SHB: variants seen among roughly 807,000 people sequenced by gnomAD.
SHB encodes SH2 domain containing adaptor protein B.
In SHB, 20 loss-of-function variants were observed where a neutral mutation model predicts 52.3. That is an observed-to-expected ratio of 0.38 (90% CI 0.27 to 0.56). The LOEUF (loss-of-function observed/expected upper bound fraction) is 0.56. SHB is among the 20% of genes least tolerant of loss of function. SHB has a pLI of 0.71. For missense variants in SHB, 825 were observed against 723.3 expected, an observed-to-expected ratio of 1.14 and a Z score of -1.61; for synonymous variants, 397 against 316.5, an observed-to-expected ratio of 1.25 and a Z score of -2.70.
chr9:37,916,454 C>G lies in SHB; in HGVS notation c.*3367G>C, dbSNP rs573136495. Among the ~76,000 whole-genome samples, 28 of 152,222 alleles carry G rather than the reference C, an allele frequency of 1.8e-4. No individual in the cohort carries two copies. The highest frequency in any genetic ancestry group is 6.3e-4 in the African/African-American group (26 of 41,464). On this transcript the variant is annotated 3_prime_UTR_variant, in exon 6 of 6. Coordinates refer to ENST00000377707, the MANE Select transcript of SHB (RefSeq NM_003028.3). ...AGCGTCTGGGGAGCTACCGGAACTT[C>G]GTGTTCAGCATCTTACAAAGGGGGC...
In SHB at chr9:37,955,902, C is replaced by T. The variant is rs200753210; in HGVS notation, c.1207G>A (p.Val403Ile). ...ACTTACATTTGCTTCTCCAGGGGGA[C>T]GGCAGGATCCACCCTTTCTCCTAGG... ...GILGERVDPA[V>I]PLEKQIWYHG... The change falls in exon 4 of 6, where the codon GTC becomes ATC. Residue 403 changes from valine (V) to isoleucine (I), a missense_variant. Coordinates refer to ENST00000377707, the MANE Select transcript of SHB (RefSeq NM_003028.3). 56 of 1,613,738 alleles carry T rather than the reference C, an allele frequency of 3.5e-5. No individual in the cohort carries two copies. The highest frequency in any genetic ancestry group is 1.7e-4 in the African/African-American group (13 of 75,034).
At chr9:38,061,653 T>C (rs1477380700) in intron 1 of SHB, among the ~76,000 whole-genome samples, 2 of 152,186 alleles carry the variant, frequency 1.3e-5, no homozygotes, top group South Asian at 2.1e-4. Flanking sequence ...AAAGAGAGGA[T>C]AGGGTCAAGT....
intron 1 of SHB, among the ~76,000 whole-genome samples, chr9:38,044,077 A>G (rs969798393): frequency 6.6e-6 from 1 of 152,230 alleles, no homozygotes; most frequent in Non-Finnish European, 1.5e-5. Context: ...GCCACTGCAC[A>G]TAAATTACAG....
chr9:38,021,207 G>A (rs1821278515), intron 1 of SHB, among the ~76,000 whole-genome samples: 1 of 152,168 alleles, frequency 6.6e-6, no homozygotes, highest in African/African-American at 2.4e-5. Context: ...GGGCCTGGTG[G>A]TGCATGCCTG....
intron 2 of SHB, among the ~76,000 whole-genome samples, chr9:37,993,462 G>A (rs113333671): frequency 2.0e-5 from 3 of 152,236 alleles, no homozygotes; most frequent in African/African-American, 4.8e-5. Flanking sequence ...TAATGTAAAC[G>A]ATGGGTTAAT....
chr9:38,028,983 T>G (rs1821380335), intron 1 of SHB, among the ~76,000 whole-genome samples: 1 of 152,156 alleles, frequency 6.6e-6, no homozygotes, highest in South Asian at 2.1e-4. Flanking sequence ...CATGGACAAG[T>G]GGATACAGGA....
At chr9:38,054,701 C>T (rs1378737285) in intron 1 of SHB, among the ~76,000 whole-genome samples, 1 of 152,162 alleles carries the variant, frequency 6.6e-6, no homozygotes, top group Non-Finnish European at 1.5e-5. Context: ...ATGAGAGAAG[C>T]AAGGTTAGAC....
chr9:38,006,401 C>A (rs894471009), intron 2 of SHB, among the ~76,000 whole-genome samples: 3 of 152,188 alleles, frequency 2.0e-5, no homozygotes, highest in Non-Finnish European at 4.4e-5. Flanking sequence ...CTGCCCAGCA[C>A]GCAGGGAGCT....
At chr9:37,951,926 G>A (rs1832571526) in intron 4 of SHB, among the ~76,000 whole-genome samples, 1 of 152,226 alleles carries the variant, frequency 6.6e-6, no homozygotes, top group Admixed American at 6.5e-5. Context: ...CAACTGTTGG[G>A]CCCACGTAGG....
intron 3 of SHB, among the ~76,000 whole-genome samples, chr9:37,972,129 C>A (rs1820597347): frequency 6.6e-6 from 1 of 152,134 alleles, no homozygotes; most frequent in African/African-American, 2.4e-5. Context: ...GGGGTCAGTC[C>A]AGGGGAGGGT....
At chr9:38,039,974 A>G (rs1670538029) in intron 1 of SHB, among the ~76,000 whole-genome samples, 1 of 152,226 alleles carries the variant, frequency 6.6e-6, no homozygotes, top group Non-Finnish European at 1.5e-5. Context: ...TGGGTTCTGA[A>G]ACTGCATTCT....
chr9:37,952,743 G>A (rs777455352), intron 4 of SHB, among the ~76,000 whole-genome samples: 2 of 151,212 alleles, frequency 1.3e-5, no homozygotes, highest in Non-Finnish European at 3.0e-5. Context: ...AGATGATGAC[G>A]GGTTTGTGGC....
At chr9:37,988,814 A>G (rs1484924903) in intron 2 of SHB, among the ~76,000 whole-genome samples, 1 of 152,242 alleles carries the variant, frequency 6.6e-6, no homozygotes, top group East Asian at 1.9e-4. Flanking sequence ...GCATAGAACA[A>G]AAAGGTGGAC....
At chr9:37,956,587 C>G (rs549024659) in intron 3 of SHB, among the ~76,000 whole-genome samples, 16 of 152,192 alleles carry the variant, frequency 1.1e-4, no homozygotes, top group Admixed American at 9.8e-4. Flanking sequence ...CAGGACCCAG[C>G]GCCCAGGTGA....
At chr9:37,983,599 C>A (rs1305814930) in intron 2 of SHB, among the ~76,000 whole-genome samples, 1 of 152,154 alleles carries the variant, frequency 6.6e-6, no homozygotes. Context: ...CTGGGCTTGT[C>A]TGGGAATCCA....
chr9:37,964,449 C>T (rs1268551744), intron 3 of SHB, among the ~76,000 whole-genome samples: 1 of 152,136 alleles, frequency 6.6e-6, no homozygotes, highest in Admixed American at 6.5e-5. Flanking sequence ...AAGACCCCAC[C>T]CTAAGATCTG....
intron 1 of SHB, among the ~76,000 whole-genome samples, chr9:38,053,229 C>T (rs1290605559): frequency 6.6e-6 from 1 of 152,088 alleles, no homozygotes; most frequent in Non-Finnish European, 1.5e-5. Context: ...GTTTCTCCAT[C>T]TGCAAAATCA....
rs113788902 is a variant in SHB at position 38,059,891 on chromosome 9, A to G, written c.717+8038T>C. Among the ~76,000 whole-genome samples, 1,022 of 152,308 alleles carry G rather than the reference A, an allele frequency of 6.7e-3. 12 individuals carry two copies. Among genetic ancestry groups the G allele is most frequent in the African/African-American group, 0.021 (881 of 41,566 alleles). ...ATCTGCAAAGGGGAGATTACAGCCC[A>G]TTCCTCGCAGAGTGGCTCTGAGAAG... On this transcript the variant is annotated intron_variant, in intron 1 of 5. Coordinates refer to ENST00000377707, the MANE Select transcript of SHB (RefSeq NM_003028.3).
At chr9:38,011,372 AGAATTTGATCTTGAGAGACGAGTCAAG>A (rs1445761321) in intron 2 of SHB, among the ~76,000 whole-genome samples, 3 of 152,226 alleles carry the variant, frequency 2.0e-5, no homozygotes, top group Non-Finnish European at 4.4e-5. Flanking sequence ...GGCCAAGACC[AGAATTTGATCTTGAGAGACGAGTCAAG>A]GAAGATGAAA....
Sources: allele counts gnomAD v4.1 joint callset (sites outside exome capture counted in the v4.1 genomes callset), GRCh38; gene constraint gnomAD v4.1.1; transcripts MANE v1.5; gene names NCBI Gene and HGNC (gene_info 2026-07-23, HGNC 2026-07-21).